The following TMEM64 variants were observed in gnomAD, a reference collection of about 807,000 sequenced individuals.
The protein encoded by TMEM64 is transmembrane protein 64.
TMEM64 carries 19 observed loss-of-function variants against 24.5 expected under a neutral mutation model. That is an observed-to-expected ratio of 0.78 (90% CI 0.54 to 1.14). The LOEUF is 1.14. TMEM64 is among the 50% of genes most tolerant of loss of function. The pLI is 0.00. For missense variants in TMEM64, 487 were observed against 493.0 expected, an observed-to-expected ratio of 0.99 and a Z score of 0.12; for synonymous variants, 262 against 224.7, an observed-to-expected ratio of 1.17 and a Z score of -1.49.
At chr8:90,639,874 A>AT (rs542894964) in intron 1 of TMEM64, among the ~76,000 whole-genome samples, 7 of 152,190 alleles carry the variant, frequency 4.6e-5, no homozygotes, top group Admixed American at 2.6e-4. Context: ...TTTTAAACAA[A>AT]TTTTTTTTAA....
Position 90,645,532 on chromosome 8 carries a change from A to G in TMEM64, c.374T>C (p.Leu125Pro). 1 of 1,549,172 alleles carries G rather than the reference A, an allele frequency of 6.5e-7. No individual in the cohort carries two copies. The highest frequency in any genetic ancestry group is 8.7e-7 in the Non-Finnish European group (1 of 1,146,942). Reference sequence around the variant, plus strand: ...GCACAGGGCGGCCAACACGCAGACCAGCACGAGGCTCCGGCACCAACAGGT... The same window carrying G: ...GCACAGGGCGGCCAACACGCAGACCGGCACGAGGCTCCGGCACCAACAGGT... The part of the protein sequence containing the change: ...GSTCWCRSLV[L>P]VCVLAALCFA... Residue 125 changes from leucine to proline, a missense_variant, in exon 1 of 3, where the codon CTG (leucine) becomes CCG (proline). Physicochemically the swap from Leu to Pro is moderately conservative, Grantham distance 98. Around this residue, in one of 3 missense-constraint regions of TMEM64, gnomAD observed 419 missense variants for 407.5 expected, o/e 1.03. Coordinates refer to ENST00000458549, the MANE Select transcript of TMEM64 (RefSeq NM_001008495.4). The surrounding 1 kb of genome is among the most constrained non-coding windows in gnomAD (Gnocchi z 4.2).
intron 1 of TMEM64, among the ~76,000 whole-genome samples, chr8:90,635,743 A>C (rs1250469941): frequency 6.6e-6 from 1 of 152,238 alleles, no homozygotes; most frequent in Non-Finnish European, 1.5e-5. Flanking sequence ...GAAAATGAGA[A>C]CATATGACAA....
intron 2 of TMEM64, among the ~76,000 whole-genome samples, chr8:90,628,588 G>GTT (rs1478747671): frequency 6.6e-6 from 1 of 152,044 alleles, no homozygotes; most frequent in Non-Finnish European, 1.5e-5. Flanking sequence ...AAAGAATAGG[G>GTT]GCAAAGCAGA....
In TMEM64 at chr8:90,631,673, G is replaced by A. The variant is rs1445879659; in HGVS notation, c.830C>T (p.Ala277Val). The A allele has an allele frequency of 1.9e-6, 3 of 1,613,566 alleles. No homozygotes were observed. Among genetic ancestry groups the A allele is most frequent in the Non-Finnish European group, 2.5e-6 (3 of 1,179,678 alleles). Residue 277 changes from alanine (A) to valine (V), a missense_variant, in exon 2 of 3, where the codon GCA becomes GTA. Ala to Val is a moderately conservative substitution (Grantham distance 64). Transcript: ENST00000458549. ...TDLSLPNYLM[A>V]SSVGLLPTQL... The stretch of plus-strand genomic sequence containing the variant: ...GGTAGGAAGCAGTCCAACCGAAGAT[G>A]CCATCAGATAGTTGGGTAATGAGAG...
intron 1 of TMEM64, among the ~76,000 whole-genome samples, chr8:90,638,497 C>T (rs1253347510): frequency 6.6e-6 from 1 of 152,164 alleles, no homozygotes; most frequent in African/African-American, 2.4e-5. Flanking sequence ...ACTTCCCTGT[C>T]CCCTTTGCAC....
In TMEM64 at chr8:90,645,252, G is replaced by A; in HGVS notation, c.654C>T (p.Thr218=). 1 of 1,613,096 alleles carries A rather than the reference G, an allele frequency of 6.2e-7. No homozygotes were observed. Among genetic ancestry groups the A allele is most frequent in the Non-Finnish European group, 8.5e-7 (1 of 1,179,528 alleles). ...TCTGGATCCTGGCGGCCACCCAGGC[G>A]GTGAGGAGCCGCTTGCAGACCACAT... is the stretch of plus-strand genomic sequence containing the variant. ...IAHVVCKRLL[T]AWVAARIQSS... The change falls in exon 1 of 3, where the codon ACC becomes ACT. Residue 218 remains threonine, a synonymous_variant. Coordinates refer to ENST00000458549, the MANE Select transcript of TMEM64 (RefSeq NM_001008495.4). This position sits in a 1 kb window ranked among gnomAD's most constrained non-coding sequence, Gnocchi z 4.2.
At chr8:90,642,626 A>AT (rs1395462012) in intron 1 of TMEM64, among the ~76,000 whole-genome samples, 1 of 152,184 alleles carries the variant, frequency 6.6e-6, no homozygotes, top group Non-Finnish European at 1.5e-5. Context: ...TTTCTTTCAC[A>AT]TATCTTGGCT....
In TMEM64 at chr8:90,623,561, G is replaced by A. The variant is rs1809312947; in HGVS notation, c.*2110C>T. On this transcript the variant is annotated 3_prime_UTR_variant, in exon 3 of 3. Coordinates refer to ENST00000458549, the MANE Select transcript of TMEM64 (RefSeq NM_001008495.4). ...ATACTATTTTAAGAAAAAAATGGAT[G>A]ATTTATTATATAAAATTAAGATTGG... 6.6e-6 allele frequency: 1 copy of A among 152,424 alleles called. No homozygotes were observed. The highest frequency in any genetic ancestry group is 2.1e-4 in the South Asian group (1 of 4,828). 9.4% of individuals were successfully genotyped at this position (152,424 alleles called of 1,614,324 possible).
Position 90,636,015 on chromosome 8 carries a change from G to A in TMEM64, c.796-4308C>T, listed in dbSNP as rs16905032. ...CTCCACCACTCAACTCAACAAGACCGTTGCCCATGCATAAACTGCATAAAC... is the reference window on the plus strand; with the variant it reads ...CTCCACCACTCAACTCAACAAGACCATTGCCCATGCATAAACTGCATAAAC... On this transcript the variant is annotated intron_variant, in intron 1 of 2. Transcript: ENST00000458549. Among the ~76,000 whole-genome samples, 714 of 152,230 alleles carry A rather than the reference G, an allele frequency of 4.7e-3. 43 individuals are homozygous for A. The East Asian group carries it at 0.12, about 25-fold the overall frequency.
intron 1 of TMEM64, among the ~76,000 whole-genome samples, chr8:90,639,145 C>T (rs1809564759): frequency 1.3e-5 from 2 of 151,868 alleles, no homozygotes; most frequent in Non-Finnish European, 2.9e-5. Flanking sequence ...AAGGCCGCAG[C>T]AGTGCTGAGA....
At chr8:90,638,113 T>C (rs955356560) in intron 1 of TMEM64, among the ~76,000 whole-genome samples, 1 of 152,140 alleles carries the variant, frequency 6.6e-6, no homozygotes, top group Non-Finnish European at 1.5e-5. Context: ...TCACTACCTA[T>C]GGTAACCCTG....
At chr8:90,638,805 A>G (rs965604863) in intron 1 of TMEM64, among the ~76,000 whole-genome samples, 1 of 152,202 alleles carries the variant, frequency 6.6e-6, no homozygotes, top group Non-Finnish European at 1.5e-5. Flanking sequence ...TGCCAAACAC[A>G]CAGAAAAAAT....
chr8:90,645,053 C>T lies in TMEM64; in HGVS notation c.795+58G>A. 1 of 1,548,194 alleles carries T rather than the reference C, an allele frequency of 6.5e-7. No homozygotes were observed. Among genetic ancestry groups the T allele is most frequent in the Non-Finnish European group, 8.8e-7 (1 of 1,139,966 alleles). On this transcript the variant is annotated intron_variant, in intron 1 of 2. Transcript: ENST00000458549. The surrounding 1 kb of genome is among the most constrained non-coding windows in gnomAD (Gnocchi z 4.2). ...CTGATAGAGCGCCCTCCTAGGGCCGCCACAAGACCGCTCAAAAACAGACTT... is the reference window on the plus strand; with the variant it reads ...CTGATAGAGCGCCCTCCTAGGGCCGTCACAAGACCGCTCAAAAACAGACTT...
At chr8:90,641,870 A>G (rs566747900) in intron 1 of TMEM64, among the ~76,000 whole-genome samples, 9 of 152,242 alleles carry the variant, frequency 5.9e-5, no homozygotes, top group Non-Finnish European at 1.0e-4. Context: ...GTAAATAATG[A>G]GCAAACTATA....
At chr8:90,643,944 G>A (rs1365423261) in intron 1 of TMEM64, among the ~76,000 whole-genome samples, 1 of 152,088 alleles carries the variant, frequency 6.6e-6, no homozygotes, top group Non-Finnish European at 1.5e-5. Flanking sequence ...AAAAGAGAAA[G>A]GTTTTAATTT....
Position 90,631,673 on chromosome 8 carries a change from GC to G in TMEM64, c.829del (p.Ala277HisfsTer12). ...GGTAGGAAGCAGTCCAACCGAAGAT[GC>G]CATCAGATAGTTGGGTAATGAGAGA... is the stretch of plus-strand genomic sequence containing the variant. ...TDLSLPNYLM[A>X]SSVGLLPTQL... On this transcript the variant is annotated frameshift_variant, in exon 2 of 3. Transcript: ENST00000458549. LOFTEE classifies it high-confidence loss of function. The G allele has an allele frequency of 6.2e-7, 1 of 1,613,686 alleles. No homozygotes were observed. Among genetic ancestry groups the G allele is most frequent in the Non-Finnish European group, 8.5e-7 (1 of 1,179,672 alleles).
chr8:90,642,925 T>G (rs1809626506), intron 1 of TMEM64, among the ~76,000 whole-genome samples: 1 of 151,960 alleles, frequency 6.6e-6, no homozygotes, highest in South Asian at 2.1e-4. Context: ...GCCATTTTTC[T>G]TTTTTTTCCC....
At position 90,625,538 on chromosome 8, in the gene TMEM64, T is replaced by A. The variant is rs1174434264; in HGVS notation, c.*133A>T. The A allele has an allele frequency of 8.5e-6, 6 of 705,600 alleles. No individual in the cohort carries two copies. The highest frequency in any genetic ancestry group is 3.2e-5 in the Admixed American group (1 of 31,640). 43.7% of individuals were successfully genotyped at this position (705,600 alleles called of 1,614,324 possible). ...TGATTCTTGCTTTAAAAAAAAAAAA[T>A]TGTGCAATTTAAAAACTAGTCAGTT... On this transcript the variant is annotated 3_prime_UTR_variant, in exon 3 of 3. Coordinates refer to ENST00000458549, the MANE Select transcript of TMEM64 (RefSeq NM_001008495.4).
chr8:90,628,995 T>G (rs1028959850), intron 2 of TMEM64, among the ~76,000 whole-genome samples: 1 of 152,340 alleles, frequency 6.6e-6, no homozygotes, highest in East Asian at 1.9e-4. Context: ...TGCTTTATTT[T>G]AGGCTGACAG....
Sources: allele counts gnomAD v4.1 joint callset (sites outside exome capture counted in the v4.1 genomes callset), GRCh38; gene constraint gnomAD v4.1.1; regional missense constraint gnomAD v4.1.1; non-coding constraint Gnocchi (gnomAD v3.1); transcripts MANE v1.5; gene names NCBI Gene and HGNC (gene_info 2026-07-23, HGNC 2026-07-21).